XKR9: variants seen among roughly 807,000 people sequenced by gnomAD.
The protein encoded by XKR9 is XK-related protein 9.
A neutral mutation model predicts 32.0 loss-of-function variants in XKR9; 32 were observed. The observed-to-expected ratio is 1.00, with a 90% CI of 0.76 to 1.34. XKR9 has a LOEUF of 1.34. XKR9 is among the 40% of genes most tolerant of loss of function. The pLI is 0.00. For missense variants in XKR9, 546 were observed against 429.7 expected, an observed-to-expected ratio of 1.27 and a Z score of -2.39; for synonymous variants, 168 against 143.4, an observed-to-expected ratio of 1.17 and a Z score of -1.22.
At chr8:70,822,157 G>T in the XKR9 span, among the ~76,000 whole-genome samples, 3 of 152,084 alleles carry the variant, frequency 2.0e-5, no homozygotes, top group Non-Finnish European at 2.9e-5. Flanking sequence ...TTACTCAATT[G>T]TAAAGGAAAA....
the XKR9 span, among the ~76,000 whole-genome samples, chr8:70,940,371 G>A: frequency 2.0e-5 from 3 of 152,008 alleles, no homozygotes; most frequent in Non-Finnish European, 2.9e-5. Flanking sequence ...GCCCACTTTG[G>A]TGGCAAGAAC....
chr8:70,725,747 A>T (rs1291306212), intron 4 of XKR9, among the ~76,000 whole-genome samples: 1 of 152,100 alleles, frequency 6.6e-6, no homozygotes. Flanking sequence ...CTCTACTAAA[A>T]ATACAAAAAT....
chr8:70,749,888 G>T (rs989543140), intron 2 of XKR9, among the ~76,000 whole-genome samples: 7 of 152,202 alleles, frequency 4.6e-5, no homozygotes, highest in Admixed American at 4.6e-4. Context: ...TGCATGTTGT[G>T]TTTATTCCTG....
intron 2 of XKR9, among the ~76,000 whole-genome samples, chr8:70,752,725 A>G (rs1378571261): frequency 2.0e-5 from 3 of 152,220 alleles, no homozygotes; most frequent in African/African-American, 7.2e-5. Flanking sequence ...CAACGAGAAC[A>G]AAGACACAAC....
the XKR9 span, among the ~76,000 whole-genome samples, chr8:70,907,921 A>G: frequency 6.6e-6 from 1 of 152,260 alleles, no homozygotes; most frequent in Non-Finnish European, 1.5e-5. Context: ...AGTTAAAAGG[A>G]AATTATTTTG....
At chr8:70,824,479 G>A in the XKR9 span, among the ~76,000 whole-genome samples, 1 of 151,822 alleles carries the variant, frequency 6.6e-6, no homozygotes, top group Non-Finnish European at 1.5e-5. Context: ...ATACCACCTT[G>A]AGCAAAATGC....
the XKR9 span, among the ~76,000 whole-genome samples, chr8:70,994,252 T>C: frequency 6.6e-6 from 1 of 152,174 alleles, no homozygotes; most frequent in Non-Finnish European, 1.5e-5. Flanking sequence ...ACAATTTTCT[T>C]CTTTCTGACT....
At chr8:70,982,621 G>A in the XKR9 span, among the ~76,000 whole-genome samples, 5 of 152,144 alleles carry the variant, frequency 3.3e-5, no homozygotes, top group Admixed American at 1.3e-4. Flanking sequence ...GAGCCTCCTC[G>A]TTGAGAAAGC....
the XKR9 span, among the ~76,000 whole-genome samples, chr8:70,900,811 C>G: frequency 2.0e-5 from 3 of 151,966 alleles, no homozygotes; most frequent in African/African-American, 7.3e-5. Flanking sequence ...CCCTCCCCTA[C>G]CCCCGACCCC....
chr8:70,762,057 G>T (rs143745906), intron 2 of XKR9, among the ~76,000 whole-genome samples: 1 of 152,034 alleles, frequency 6.6e-6, no homozygotes, highest in Non-Finnish European at 1.5e-5. Flanking sequence ...ATTGGTCTAC[G>T]TGTCTGTTCT....
chr8:70,879,104 C>T, the XKR9 span, among the ~76,000 whole-genome samples: 1 of 152,152 alleles, frequency 6.6e-6, no homozygotes, highest in South Asian at 2.1e-4. Context: ...TCTTTGAAAC[C>T]AATGAGAACA....
chr8:70,733,999 T>C lies in XKR9; in HGVS notation c.697T>C (p.Phe233Leu), dbSNP rs1273892978. Residue 233 changes from phenylalanine (F) to leucine (L), a missense_variant, in exon 5 of 5, where the codon TTT becomes CTT. Coordinates refer to ENST00000408926, the MANE Select transcript of XKR9 (RefSeq NM_001011720.2). ...ATTCTTAAATGTTAAGATTGCTTTATTTCTGTTGTTATTTCTTTGGTTGTT... is the reference window on the plus strand; with the variant it reads ...ATTCTTAAATGTTAAGATTGCTTTACTTCTGTTGTTATTTCTTTGGTTGTT... The part of the protein sequence containing the change: ...LLFLNVKIAL[F>L]LLLFLWLLGI... The C allele has an allele frequency of 1.2e-6, 2 of 1,612,468 alleles. No individual in the cohort carries two copies. The highest frequency in any genetic ancestry group is 2.7e-5 in the African/African-American group (2 of 74,802).
chr8:70,795,674 T>G, the XKR9 span, among the ~76,000 whole-genome samples: 1 of 152,210 alleles, frequency 6.6e-6, no homozygotes, highest in Non-Finnish European at 1.5e-5. Flanking sequence ...TAATAGTTAT[T>G]CTGACTGGTG....
the XKR9 span, among the ~76,000 whole-genome samples, chr8:70,965,068 A>G: frequency 2.6e-5 from 4 of 152,158 alleles, no homozygotes; most frequent in South Asian, 2.1e-4. Context: ...GTTCAATATG[A>G]TATTAGCTGT....
the XKR9 span, among the ~76,000 whole-genome samples, chr8:70,871,620 G>A: frequency 6.6e-6 from 1 of 152,074 alleles, no homozygotes; most frequent in Non-Finnish European, 1.5e-5. Flanking sequence ...TGTTCTGATT[G>A]CCCTACTGAC....
chr8:70,939,236 G>A, the XKR9 span, among the ~76,000 whole-genome samples: 2 of 152,010 alleles, frequency 1.3e-5, no homozygotes, highest in Admixed American at 6.6e-5. Flanking sequence ...AAATATGTCC[G>A]AAAGAAAACA....
At chr8:70,952,611 G>C in the XKR9 span, among the ~76,000 whole-genome samples, 3 of 152,188 alleles carry the variant, frequency 2.0e-5, no homozygotes, top group African/African-American at 7.2e-5. Flanking sequence ...GGAGCATGAG[G>C]CCCAGGGGAC....
the XKR9 span, among the ~76,000 whole-genome samples, chr8:70,921,723 C>T: frequency 5.3e-5 from 8 of 152,112 alleles, no homozygotes; most frequent in Admixed American, 3.3e-4. Context: ...TACAAAGGAG[C>T]GGCTGGCAGG....
the XKR9 span, among the ~76,000 whole-genome samples, chr8:71,050,317 A>G: frequency 6.8e-6 from 1 of 146,296 alleles, no homozygotes; most frequent in East Asian, 2.0e-4. Context: ...ATAGATATAG[A>G]TATAGATATA....
Sources: allele counts gnomAD v4.1 joint callset (sites outside exome capture counted in the v4.1 genomes callset), GRCh38; gene constraint gnomAD v4.1.1; transcripts MANE v1.5; gene names NCBI Gene and HGNC (gene_info 2026-07-23, HGNC 2026-07-21).